The following SLIT2 variants were observed in gnomAD, a reference collection of about 807,000 sequenced individuals.
SLIT2 encodes slit homolog 2 protein.
Under a neutral mutation model 185.7 loss-of-function variants are expected in SLIT2, and 41 were observed. That is an observed-to-expected ratio of 0.22 (90% CI 0.17 to 0.29). The LOEUF is 0.29. Among genes scored for constraint, SLIT2 ranks in the 10% least tolerant of loss-of-function variants. SLIT2 has a pLI of 1.00. For missense variants in SLIT2, 1,571 were observed against 1,909.0 expected, an observed-to-expected ratio of 0.82 and a Z score of 3.30; for synonymous variants, 693 against 680.2, an observed-to-expected ratio of 1.02 and a Z score of -0.29.
At chr4:20,490,338 A>G (rs1354459506) in intron 8 of SLIT2, among the ~76,000 whole-genome samples, 1 of 152,120 alleles carries the variant, frequency 6.6e-6, no homozygotes, top group African/African-American at 2.4e-5. Flanking sequence ...AGTTGAGTCC[A>G]GGGATCTCAA....
chr4:20,434,700 G>T (rs753484815), intron 4 of SLIT2, among the ~76,000 whole-genome samples: 1 of 152,164 alleles, frequency 6.6e-6, no homozygotes, highest in Non-Finnish European at 1.5e-5. Context: ...TGGAAACGTA[G>T]GTAGATGTTT....
At chr4:20,328,322 A>G (rs748847375) in intron 4 of SLIT2, among the ~76,000 whole-genome samples, 1 of 152,100 alleles carries the variant, frequency 6.6e-6, no homozygotes, top group African/African-American at 2.4e-5. Flanking sequence ...ATAAATTCTT[A>G]GAGGATTTAT....
At chr4:20,318,552 C>T (rs1174900058) in intron 4 of SLIT2, among the ~76,000 whole-genome samples, 2 of 152,126 alleles carry the variant, frequency 1.3e-5, no homozygotes, top group Admixed American at 6.6e-5. Context: ...GCTGCTGTTG[C>T]TTTTTGCAAT....
At chr4:20,449,836 T>C (rs1478093132) in intron 4 of SLIT2, among the ~76,000 whole-genome samples, 2 of 152,214 alleles carry the variant, frequency 1.3e-5, no homozygotes, top group Admixed American at 1.3e-4. Context: ...TCAAGAGGTA[T>C]GAAAGCTGGA....
intron 4 of SLIT2, among the ~76,000 whole-genome samples, chr4:20,368,773 G>A (rs529585962): frequency 1.3e-5 from 2 of 152,180 alleles, no homozygotes; most frequent in African/African-American, 2.4e-5. Context: ...TTTTGACATC[G>A]TTTGCTCTGA....
At chr4:20,342,666 T>C (rs1721049484) in intron 4 of SLIT2, among the ~76,000 whole-genome samples, 1 of 150,616 alleles carries the variant, frequency 6.6e-6, no homozygotes, top group Non-Finnish European at 1.5e-5. Flanking sequence ...CCTCTTAAAA[T>C]AGATATCTTA....
intron 26 of SLIT2, among the ~76,000 whole-genome samples, chr4:20,559,124 G>A (rs1724492687): frequency 6.6e-6 from 1 of 151,840 alleles, no homozygotes; most frequent in Non-Finnish European, 1.5e-5. Flanking sequence ...GGAAACTTCT[G>A]GACCTGTTCC....
intron 26 of SLIT2, among the ~76,000 whole-genome samples, chr4:20,556,609 A>G (rs972101912): frequency 6.6e-6 from 1 of 151,976 alleles, no homozygotes; most frequent in African/African-American, 2.4e-5. Flanking sequence ...GGGAATCCCA[A>G]TTCTCTGAGA....
chr4:20,378,237 T>C (rs1026298100), intron 4 of SLIT2, among the ~76,000 whole-genome samples: 1 of 152,180 alleles, frequency 6.6e-6, no homozygotes, highest in South Asian at 2.1e-4. Context: ...TTTAGTAACA[T>C]ACATTTGCAA....
At chr4:20,402,849 G>A (rs916062816) in intron 4 of SLIT2, among the ~76,000 whole-genome samples, 1 of 151,508 alleles carries the variant, frequency 6.6e-6, no homozygotes, top group African/African-American at 2.4e-5. Context: ...TACCTAAGAA[G>A]GTAATATAAG....
In SLIT2 at chr4:20,529,548, G is replaced by A. The variant is rs138358002; in HGVS notation, c.1613+449G>A. 9.4e-4 allele frequency among the ~76,000 whole-genome samples: 143 copies of A among 152,202 alleles called. 1 individual carries two copies. The highest frequency in any genetic ancestry group is 3.1e-3 in the African/African-American group (128 of 41,542). On this transcript the variant is annotated intron_variant, in intron 16 of 36. Coordinates refer to ENST00000504154, the MANE Select transcript of SLIT2 (RefSeq NM_004787.4). ...CTAATTTACTACTTCATTGACTTAC[G>A]GGCAGAAGGATTCAGTGGTTATCAA...
intron 32 of SLIT2, among the ~76,000 whole-genome samples, chr4:20,596,967 T>C (rs1728030057): frequency 6.6e-6 from 1 of 152,106 alleles, no homozygotes; most frequent in South Asian, 2.1e-4. Context: ...GTTCAGCCTC[T>C]GCATGGGGGA....
At chr4:20,514,044 A>C (rs907766148) in intron 11 of SLIT2, among the ~76,000 whole-genome samples, 3 of 152,208 alleles carry the variant, frequency 2.0e-5, no homozygotes, top group Admixed American at 6.5e-5. Context: ...CTAGATTTGC[A>C]GAGAAGAATT....
chr4:20,410,845 T>C (rs556646793), intron 4 of SLIT2, among the ~76,000 whole-genome samples: 1 of 152,246 alleles, frequency 6.6e-6, no homozygotes, highest in South Asian at 2.1e-4. Flanking sequence ...AGCTGGGTAG[T>C]GTGATGCCTC....
At position 20,375,615 on chromosome 4, in the gene SLIT2, T is replaced by A. The variant is rs1025515924; in HGVS notation, c.396-92137T>A. ...CAAACCATTTAATCAGTCTTGACCT[T>A]CATTTTCTCATCATAAGTTGAAAGT... On this transcript the variant is annotated intron_variant, in intron 4 of 36. Coordinates refer to ENST00000504154, the MANE Select transcript of SLIT2 (RefSeq NM_004787.4). 4.6e-5 allele frequency among the ~76,000 whole-genome samples: 7 copies of A among 152,084 alleles called. 1 individual carries two copies. Among genetic ancestry groups the A allele is most frequent in the Admixed American group, 2.0e-4 (3 of 15,234 alleles).
intron 4 of SLIT2, among the ~76,000 whole-genome samples, chr4:20,430,417 G>A (rs1394369859): frequency 2.0e-5 from 3 of 152,120 alleles, no homozygotes; most frequent in Admixed American, 6.5e-5. Flanking sequence ...GTTTTCTCAT[G>A]TGGCCTCTCA....
intron 7 of SLIT2, among the ~76,000 whole-genome samples, chr4:20,487,485 G>A (rs765719017): frequency 2.0e-5 from 3 of 152,032 alleles, no homozygotes; most frequent in African/African-American, 7.2e-5. Flanking sequence ...GTAGAAATTC[G>A]TGAGTTTGTC....
chr4:20,505,946 T>C (rs1719170389), intron 9 of SLIT2, among the ~76,000 whole-genome samples: 1 of 152,056 alleles, frequency 6.6e-6, no homozygotes, highest in Non-Finnish European at 1.5e-5. Context: ...AGAAGTTTTT[T>C]ATTGGATAAA....
At chr4:20,429,556 A>C (rs538836477) in intron 4 of SLIT2, among the ~76,000 whole-genome samples, 28 of 152,338 alleles carry the variant, frequency 1.8e-4, no homozygotes, top group Middle Eastern at 3.4e-3. Flanking sequence ...GAGGCAAATG[A>C]GATCATTTCA....
Sources: allele counts gnomAD v4.1 joint callset (sites outside exome capture counted in the v4.1 genomes callset), GRCh38; gene constraint gnomAD v4.1.1; transcripts MANE v1.5; gene names NCBI Gene and HGNC (gene_info 2026-07-23, HGNC 2026-07-21).